Variants in SORCS2 observed in about 807,000 individuals in gnomAD.
SORCS2 encodes sortilin related VPS10 domain containing receptor 2, also known as VPS10 domain-containing receptor SorCS2.
SORCS2 carries 100 observed loss-of-function variants against 141.6 expected under a neutral mutation model. The observed-to-expected ratio is 0.71, with a 90% confidence interval of 0.60 to 0.83. SORCS2 has a LOEUF of 0.83. Among genes scored for constraint, SORCS2 ranks in the 40% least tolerant of loss-of-function variants. The pLI is 0.00. For synonymous variants in SORCS2, 789 were observed against 676.9 expected (o/e 1.17, Z -2.57); for missense variants, 1,646 against 1,560.2 (o/e 1.05, Z -0.93).
chr4:7,558,490 T>C (rs1714294688), intron 3 of SORCS2, among the ~76,000 whole-genome samples: 2 of 152,100 alleles, frequency 1.3e-5, no homozygotes, highest in Admixed American at 6.5e-5. Context: ...GGGGCCCCAC[T>C]CTCCTGTAAC....
intron 1 of SORCS2, among the ~76,000 whole-genome samples, chr4:7,269,261 A>G (rs1178418415): frequency 6.6e-6 from 1 of 152,190 alleles, no homozygotes; most frequent in Non-Finnish European, 1.5e-5. Flanking sequence ...TGGAACAGCA[A>G]AGGTCCTGAG....
intron 3 of SORCS2, among the ~76,000 whole-genome samples, chr4:7,543,911 TCCACCCATCCACCCATCCACCCATCCAC>T: frequency 2.3e-5 from 1 of 43,928 alleles, no homozygotes; most frequent in African/African-American, 1.1e-4. Flanking sequence ...CATCCACCCA[TCCACCCATCCACCCATCCACCCATCCAC>T]CCATCCATCC....
intron 1 of SORCS2, among the ~76,000 whole-genome samples, chr4:7,328,336 C>T (rs917270218): frequency 2.0e-5 from 3 of 151,964 alleles, no homozygotes; most frequent in Non-Finnish European, 2.9e-5. Context: ...GCACCCGGCC[C>T]GTGCTAGGCT....
At chr4:7,457,284 A>T (rs959107102) in intron 2 of SORCS2, among the ~76,000 whole-genome samples, 4 of 152,186 alleles carry the variant, frequency 2.6e-5, no homozygotes, top group Non-Finnish European at 4.4e-5. Context: ...GGGTGAGGTG[A>T]CTTTATCCCT....
intron 3 of SORCS2, among the ~76,000 whole-genome samples, chr4:7,605,238 A>C (rs1432761865): frequency 2.0e-5 from 3 of 152,244 alleles, no homozygotes; most frequent in African/African-American, 7.2e-5. Context: ...AAAGGGGTGA[A>C]GAAAGGCATG....
At chr4:7,513,585 T>C (rs993946466) in intron 2 of SORCS2, among the ~76,000 whole-genome samples, 6 of 152,158 alleles carry the variant, frequency 3.9e-5, no homozygotes, top group Admixed American at 2.0e-4. Context: ...CAGGTCCTGC[T>C]GGTAGAATGA....
intron 1 of SORCS2, among the ~76,000 whole-genome samples, chr4:7,241,095 T>C (rs1976407): frequency 0.28 from 42,585 of 151,940 alleles, 6,230 homozygotes; most frequent in East Asian, 0.47. Context: ...CCACCATGCC[T>C]GGCTAAATTT....
At chr4:7,254,165 A>C (rs1713695385) in intron 1 of SORCS2, among the ~76,000 whole-genome samples, 1 of 152,216 alleles carries the variant, frequency 6.6e-6, no homozygotes, top group Non-Finnish European at 1.5e-5. Context: ...CAGCAATGCT[A>C]CTATTGAGCA....
In SORCS2 at chr4:7,307,900, CTGTGCATGAGTGTG is replaced by C. The variant is rs1423326471; in HGVS notation, c.481-88373_481-88360del. ...TATGTGCATGGGTTTGTGTATATGTCTGTGCATGAGTGTGTGTGCATGAGTGTGCATGCATGGGG... is the reference window on the plus strand; with the variant it reads ...TATGTGCATGGGTTTGTGTATATGTCTGTGCATGAGTGTGCATGCATGGGG... On this transcript the variant is annotated intron_variant, in intron 1 of 26. Coordinates refer to ENST00000507866, the MANE Select transcript of SORCS2 (RefSeq NM_020777.3). 2.6e-5 allele frequency among the ~76,000 whole-genome samples: 4 copies of C among 151,172 alleles called. No individual in the cohort carries two copies. In the East Asian group the frequency reaches 5.8e-4, roughly 22 times the overall value.
intron 1 of SORCS2, among the ~76,000 whole-genome samples, chr4:7,374,381 G>T (rs117505034): frequency 1.3e-5 from 2 of 152,056 alleles, no homozygotes; most frequent in Non-Finnish European, 2.9e-5. Context: ...AGCTGAGCTC[G>T]TACCAGCCCG....
At chr4:7,407,720 T>A (rs1725059007) in intron 2 of SORCS2, among the ~76,000 whole-genome samples, 1 of 152,164 alleles carries the variant, frequency 6.6e-6, no homozygotes, top group Admixed American at 6.5e-5. Context: ...TGCCATTTTG[T>A]TGCTTGTTTT....
chr4:7,400,631 C>T (rs1480296777), intron 2 of SORCS2, among the ~76,000 whole-genome samples: 11 of 151,190 alleles, frequency 7.3e-5, no homozygotes. Context: ...AGATGGACAG[C>T]CGGGTGGATG....
chr4:7,629,186 CATACAT>C (rs1719713306), intron 3 of SORCS2, among the ~76,000 whole-genome samples: 1 of 152,074 alleles, frequency 6.6e-6, no homozygotes, highest in Non-Finnish European at 1.5e-5. Flanking sequence ...TGTATATACA[CATACAT>C]ATATCAAAAT....
chr4:7,214,861 G>A (rs1043303612), intron 1 of SORCS2, among the ~76,000 whole-genome samples: 2 of 152,330 alleles, frequency 1.3e-5, no homozygotes, highest in African/African-American at 4.8e-5. Flanking sequence ...CCAGGCTGTA[G>A]GTCTGTTCTG....
chr4:7,473,858 G>A (rs953494324), intron 2 of SORCS2, among the ~76,000 whole-genome samples: 7 of 152,198 alleles, frequency 4.6e-5, no homozygotes, highest in Non-Finnish European at 1.0e-4. Flanking sequence ...GGTCTGGGGG[G>A]AGAGGGGTTC....
At chr4:7,497,516 C>T (rs931017273) in intron 2 of SORCS2, among the ~76,000 whole-genome samples, 1 of 152,240 alleles carries the variant, frequency 6.6e-6, no homozygotes. Context: ...TTCCTTGCCC[C>T]GTGGGGGCCC....
chr4:7,248,673 C>G (rs549383447), intron 1 of SORCS2, among the ~76,000 whole-genome samples: 1 of 152,276 alleles, frequency 6.6e-6, no homozygotes, highest in East Asian at 1.9e-4. Flanking sequence ...GTTCTTTATT[C>G]GATTTTATTC....
At chr4:7,661,398 C>A in intron 5 of SORCS2, 102 bp from the exon 6 acceptor site, 1 of 1,297,848 alleles carries the variant, frequency 7.7e-7, no homozygotes, top group Non-Finnish European at 1.1e-6. Context: ...AGGGCGGCTT[C>A]AGAACCAGGG....
At position 7,715,134 on chromosome 4, in the gene SORCS2, C is replaced by T. The variant is rs369130427; in HGVS notation, c.2124-49C>T. The stretch of plus-strand genomic sequence containing the variant: ...ATTTCACCCCAACCCTGGGTGACTC[C>T]GGTTCCCACCTGTGCCCGTCACTTA... On this transcript the variant is annotated intron_variant, in intron 16 of 26. Coordinates refer to ENST00000507866, the MANE Select transcript of SORCS2 (RefSeq NM_020777.3). 1.5e-4 allele frequency: 240 copies of T among 1,603,248 alleles called. No homozygotes were observed. The African/African-American group carries it at 2.3e-3, about 15-fold the overall frequency.
Sources: gnomAD v4.1 joint callset for allele counts (sites outside exome capture counted in the v4.1 genomes callset) on GRCh38, gnomAD v4.1.1 for gene constraint, MANE v1.5 for transcripts, NCBI Gene and HGNC (gene_info 2026-07-23, HGNC 2026-07-21) for gene names.